RAD54L2: variants seen among roughly 807,000 people sequenced by gnomAD.
RAD54L2 encodes the protein RAD54 like 2.
RAD54L2 carries 27 observed loss-of-function variants against 138.4 expected under a neutral mutation model. The ratio of observed to expected loss-of-function variants is 0.20; its 90% CI spans 0.14 to 0.27. RAD54L2 has a LOEUF of 0.27. RAD54L2 is among the 10% of genes least tolerant of loss of function. RAD54L2 has a pLI of 1.00. For missense variants in RAD54L2, 1,396 were observed against 1,890.2 expected (o/e 0.74, Z 4.85); for synonymous variants, 644 against 723.2 (o/e 0.89, Z 1.76).
chr3:51,633,478 C>T (rs1332185457), intron 7 of RAD54L2, 99 bp from the exon 8 acceptor site: 35 of 1,183,714 alleles, frequency 3.0e-5, no homozygotes, highest in East Asian at 4.7e-5. Flanking sequence ...TATTATAACG[C>T]CTTCTCACTT....
chr3:51,601,595 C>T (rs1019039789), intron 3 of RAD54L2, among the ~76,000 whole-genome samples: 13 of 151,564 alleles, frequency 8.6e-5, no homozygotes, highest in African/African-American at 2.7e-4. Context: ...CGTGAGCCAC[C>T]GCGCCCGGGC....
chr3:51,541,510 G>A (rs188030852), intron 1 of RAD54L2, 79 bp from the exon 2 acceptor site: 7 of 152,252 alleles, frequency 4.6e-5, no homozygotes, highest in African/African-American at 1.7e-4. Context: ...TCCCCAGGAA[G>A]CCATCACACT....
chr3:51,666,127 G>A lies in RAD54L2; in HGVS notation c.*2707G>A, dbSNP rs887572468. The A allele has an allele frequency of 1.3e-5, 2 of 148,942 alleles. No homozygotes were observed. The highest frequency in any genetic ancestry group is 2.5e-5 in the African/African-American group (1 of 39,940). The allele number at this position is 148,942 out of a possible 1,614,324, so 9.2% of individuals were successfully genotyped here. A position where few individuals can be genotyped will look rare whatever the true frequency, so the allele number is the denominator to read the frequency against. ...AGTTTCTATTGTGTAGAGGGGTTGG[G>A]GGTGGGATCATGGGAAATTGGAGTG... On this transcript the variant is annotated 3_prime_UTR_variant, in exon 23 of 23. Transcript: ENST00000684192.
At chr3:51,574,812 T>A (rs1382264681) in intron 2 of RAD54L2, among the ~76,000 whole-genome samples, 6 of 152,222 alleles carry the variant, frequency 3.9e-5, no homozygotes. Flanking sequence ...TTCATTCTGA[T>A]GGTCATTTCT....
At chr3:51,646,837 A>G (rs1296123546) in intron 19 of RAD54L2, among the ~76,000 whole-genome samples, 2 of 152,174 alleles carry the variant, frequency 1.3e-5, no homozygotes, top group Non-Finnish European at 2.9e-5. Context: ...GTGGTGTTCA[A>G]GGATGAAGGC....
Position 51,599,233 on chromosome 3 carries a change from C to A in RAD54L2, c.139+8674C>A, listed in dbSNP as rs185069625. On this transcript the variant is annotated intron_variant, in intron 3 of 22. Transcript: ENST00000684192. ...GATTGTTGTTGTAGTGGTGTGAGAG[C>A]AGAGGAAAAACATGGTTTTAGAGTT... 2.1e-3 allele frequency among the ~76,000 whole-genome samples: 312 copies of A among 152,136 alleles called. 3 individuals carry two copies. The highest frequency in any genetic ancestry group is 6.9e-3 in the African/African-American group (286 of 41,502).
chr3:51,649,291 T>C (rs1459574828), intron 19 of RAD54L2, among the ~76,000 whole-genome samples: 1 of 152,088 alleles, frequency 6.6e-6, no homozygotes, highest in African/African-American at 2.4e-5. Flanking sequence ...CCAAGAAATA[T>C]GGGACTATGT....
rs1481695617 is a variant in RAD54L2 at position 51,645,744 on chromosome 3, A to G, written c.2810A>G (p.Tyr937Cys). ...GTCCTGCAACTGGCCTGTCTGAAGT[A>G]CCCTCACCTCATCACCAAGGTAAGA... ...ESVLQLACLK[Y>C]PHLITKEPFE... The change falls in exon 18 of 23, where the codon TAC becomes TGC. Residue 937 changes from tyrosine (Y) to cysteine (C), a missense_variant. Tyr to Cys is a radical substitution (Grantham distance 194). This residue lies in a region of RAD54L2 where 634 missense variants were observed against 711.2 expected (regional missense o/e 0.89). Coordinates refer to ENST00000684192, the MANE Select transcript of RAD54L2 (RefSeq NM_015106.4). This position sits in a 1 kb window ranked among gnomAD's most constrained non-coding sequence, Gnocchi z 6.1. 1 of 1,611,344 alleles carries G rather than the reference A, an allele frequency of 6.2e-7. No individual in the cohort carries two copies. The highest frequency in any genetic ancestry group is 2.2e-5 in the East Asian group (1 of 44,818).
At chr3:51,626,721 A>G (rs1428107742) in intron 3 of RAD54L2, among the ~76,000 whole-genome samples, 1 of 151,962 alleles carries the variant, frequency 6.6e-6, no homozygotes, top group Non-Finnish European at 1.5e-5. Context: ...TTGGGATTAC[A>G]GGCATGAGCC....
Position 51,645,498 on chromosome 3 carries a change from T to C in RAD54L2, c.2657-93T>C. On this transcript the variant is annotated intron_variant, in intron 17 of 22. Coordinates refer to ENST00000684192, the MANE Select transcript of RAD54L2 (RefSeq NM_015106.4). The surrounding 1 kb of genome is among the most constrained non-coding windows in gnomAD (Gnocchi z 6.1). ...TCACCAGCACCTCAGACCTAGTCTT[T>C]GACTTTCAGATATGGGATGACTTTT... 1 of 1,313,542 alleles carries C rather than the reference T, an allele frequency of 7.6e-7. No individual in the cohort carries two copies. The highest frequency in any genetic ancestry group is 1.0e-6 in the Non-Finnish European group (1 of 966,092). The allele number at this position is 1,313,542 out of a possible 1,614,324, so 81.4% of individuals were successfully genotyped here.
intron 4 of RAD54L2, among the ~76,000 whole-genome samples, chr3:51,628,026 A>G (rs530906068): frequency 1.3e-5 from 2 of 152,260 alleles, no homozygotes; most frequent in South Asian, 4.1e-4. Flanking sequence ...CCCGAAGATG[A>G]TAGGGTGCTC....
intron 6 of RAD54L2, 33 bp from the exon 7 acceptor site, chr3:51,630,672 G>A: frequency 1.9e-6 from 3 of 1,562,244 alleles, no homozygotes; most frequent in Non-Finnish European, 2.6e-6. Context: ...TCACTCCCTG[G>A]ATTTTTGGTT....
In RAD54L2 at chr3:51,664,044, C is replaced by CTGAAAAA. The variant is rs940498724; in HGVS notation, c.*629_*635dup. ...AGGGAGGGAAGAACTAAGAGGGAAA[C>CTGAAAAA]TGAAAAATGAATTTATCTTTCTTTA... On this transcript the variant is annotated 3_prime_UTR_variant, in exon 23 of 23. Coordinates refer to ENST00000684192, the MANE Select transcript of RAD54L2 (RefSeq NM_015106.4). 6.6e-6 allele frequency: 1 copy of CTGAAAAA among 152,040 alleles called. No individual in the cohort carries two copies. The highest frequency in any genetic ancestry group is 2.4e-5 in the African/African-American group (1 of 41,346). The allele number at this position is 152,040 out of a possible 1,614,324, so 9.4% of individuals were successfully genotyped here. A position where few individuals can be genotyped will look rare whatever the true frequency, so the allele number is the denominator to read the frequency against.
In RAD54L2 at chr3:51,656,091, C is replaced by G; in HGVS notation, c.3147C>G (p.Ser1049Arg). 1 of 1,614,040 alleles carries G rather than the reference C, an allele frequency of 6.2e-7. No homozygotes were observed. The highest frequency in any genetic ancestry group is 8.5e-7 in the Non-Finnish European group (1 of 1,179,908). The change falls in exon 20 of 23, where the codon AGC becomes AGG. Residue 1049 changes from serine (S) to arginine (R), a missense_variant. Physicochemically the swap from Ser to Arg is moderately radical, Grantham distance 110. Coordinates refer to ENST00000684192, the MANE Select transcript of RAD54L2 (RefSeq NM_015106.4). ...GAGGAAGTGTAAGCTCTGCCTCCAG[C>G]ACAAATCCATCCATGAACTTTCCCA... ...PLGGSVSSAS[S>R]TNPSMNFPIN...
Position 51,601,933 on chromosome 3 carries a change from T to C in RAD54L2, c.139+11374T>C, listed in dbSNP as rs563375435. Among the ~76,000 whole-genome samples the C allele has an allele frequency of 5.3e-5, 8 of 152,024 alleles. No homozygotes were observed. The East Asian group carries it at 1.6e-3, about 30-fold the overall frequency. ...GTGCAGTGGTGCGATCTCGGCTTAC[T>C]GCAACCTCTGCCTCAGCCCCCTGAG... is the stretch of plus-strand genomic sequence containing the variant. On this transcript the variant is annotated intron_variant, in intron 3 of 22. Transcript: ENST00000684192.
intron 10 of RAD54L2, 178 bp from the exon 11 acceptor site, chr3:51,636,983 A>G (rs1013223540): frequency 1.6e-6 from 1 of 611,472 alleles, no homozygotes; most frequent in Non-Finnish European, 2.9e-6. Flanking sequence ...ATACCAAGTC[A>G]TACCAGTCAT....
rs1176536420 is a variant in RAD54L2, at chr3:51,666,422, G to A, written c.*3002G>A. The A allele has an allele frequency of 3.3e-5, 5 of 151,954 alleles. No homozygotes were observed. Among genetic ancestry groups the A allele is most frequent in the African/African-American group, 1.2e-4 (5 of 41,358 alleles). The allele number at this position is 151,954 out of a possible 1,614,324, so 9.4% of individuals were successfully genotyped here. ...CAGGCCTGAGGGGGGCAGGGTGGCT[G>A]GTGATAAGAGGGAGGGCAGAAAATC... On this transcript the variant is annotated 3_prime_UTR_variant, in exon 23 of 23. Transcript: ENST00000684192.
intron 3 of RAD54L2, among the ~76,000 whole-genome samples, chr3:51,626,593 C>T (rs532577444): frequency 3.9e-4 from 59 of 151,282 alleles, no homozygotes; most frequent in Middle Eastern, 3.4e-3. Flanking sequence ...TACAGGCGCC[C>T]GCCACCATGC....
intron 18 of RAD54L2, 116 bp from the exon 19 acceptor site, chr3:51,646,169 C>G (rs982401741): frequency 3.3e-6 from 3 of 904,956 alleles, no homozygotes; most frequent in Non-Finnish European, 3.4e-6. Context: ...CTGTGTATCT[C>G]TGAGCAGTCT....
Sources: allele counts gnomAD v4.1 joint callset (sites outside exome capture counted in the v4.1 genomes callset), GRCh38; gene constraint gnomAD v4.1.1; regional missense constraint gnomAD v4.1.1; non-coding constraint Gnocchi (gnomAD v3.1); transcripts MANE v1.5; gene names NCBI Gene and HGNC (gene_info 2026-07-23, HGNC 2026-07-21).